Variants in VPS13B observed in about 807,000 individuals in gnomAD.
VPS13B encodes intermembrane lipid transfer protein VPS13B.
In VPS13B, 285 loss-of-function variants were observed where a neutral mutation model predicts 426.4. That is an observed-to-expected ratio of 0.67 (90% CI 0.61 to 0.74). The LOEUF (loss-of-function observed/expected upper bound fraction) is 0.74, where lower values mean the gene tolerates loss of function less well. VPS13B is among the 30% of genes least tolerant of loss of function. The pLI is 0.00. For synonymous variants in VPS13B, 1,676 were observed against 1,676.4 expected (o/e 1.00, Z 0.01); for missense variants, 4,537 against 4,782.6 (o/e 0.95, Z 1.51).
chr8:99,267,378 T>C (rs1313891206), intron 17 of VPS13B, among the ~76,000 whole-genome samples: 1 of 152,168 alleles, frequency 6.6e-6, no homozygotes, highest in Non-Finnish European at 1.5e-5. Context: ...TGGCAAAGCA[T>C]TCAAGAGTAG....
At chr8:99,469,740 C>A (rs559353359) in intron 24 of VPS13B, among the ~76,000 whole-genome samples, 1 of 152,168 alleles carries the variant, frequency 6.6e-6, no homozygotes, top group South Asian at 2.1e-4. Context: ...TCAGATATAA[C>A]CTTATTTGGT....
rs181395641 is a variant in VPS13B, at chr8:99,116,388, C to A, written c.937+514C>A. On this transcript the variant is annotated intron_variant, in intron 7 of 61. Coordinates refer to ENST00000357162, the MANE Select transcript of VPS13B (RefSeq NM_152564.5). The stretch of plus-strand genomic sequence containing the variant: ...TAACATTCTGATTTTCTCCTATATG[C>A]TAAAAATAACTTCTATATTTATAAT... 3.1e-4 allele frequency among the ~76,000 whole-genome samples: 47 copies of A among 152,014 alleles called. No homozygotes were observed. In the East Asian group the frequency reaches 8.1e-3, roughly 26 times the overall value.
At chr8:99,598,234 A>G (rs1166177236) in intron 33 of VPS13B, among the ~76,000 whole-genome samples, 1 of 152,076 alleles carries the variant, frequency 6.6e-6, no homozygotes, top group African/African-American at 2.4e-5. Context: ...GTGCTCCCAC[A>G]TCGATAATAG....
intron 33 of VPS13B, among the ~76,000 whole-genome samples, chr8:99,592,257 G>C (rs577966277): frequency 6.6e-6 from 1 of 151,882 alleles, no homozygotes; most frequent in African/African-American, 2.4e-5. Flanking sequence ...CGATGCATTC[G>C]AACATCCTCC....
Position 99,399,453 on chromosome 8 carries a change from C to T in VPS13B, c.3082+7749C>T, listed in dbSNP as rs1427198672. Among the ~76,000 whole-genome samples, 9 of 151,734 alleles carry T rather than the reference C, an allele frequency of 5.9e-5. 1 individual carries two copies. The highest frequency in any genetic ancestry group is 5.9e-4 in the Admixed American group (9 of 15,226). On this transcript the variant is annotated intron_variant, in intron 21 of 61. Coordinates refer to ENST00000357162, the MANE Select transcript of VPS13B (RefSeq NM_152564.5). ...GCTAGATGATTATTTGATATGTTACCCATATTGTAGATGATTGTAGCCGTA... is the reference window on the plus strand; with the variant it reads ...GCTAGATGATTATTTGATATGTTACTCATATTGTAGATGATTGTAGCCGTA...
At chr8:99,300,016 G>T (rs1820274198) in intron 19 of VPS13B, among the ~76,000 whole-genome samples, 1 of 152,106 alleles carries the variant, frequency 6.6e-6, no homozygotes, top group Non-Finnish European at 1.5e-5. Context: ...ATTGTCTAAT[G>T]GGAACATGTG....
At chr8:99,702,747 CT>C (rs1253330262) in intron 36 of VPS13B, among the ~76,000 whole-genome samples, 1 of 152,124 alleles carries the variant, frequency 6.6e-6, no homozygotes, top group Non-Finnish European at 1.5e-5. Context: ...AGAAACTACT[CT>C]AATCCCTAAC....
intron 3 of VPS13B, among the ~76,000 whole-genome samples, chr8:99,061,296 CTTT>C (rs36037937): frequency 8.9e-6 from 1 of 112,956 alleles, no homozygotes; most frequent in Non-Finnish European, 1.8e-5. Flanking sequence ...TGCTAATTTT[CTTT>C]TTTTTTTTTT....
chr8:99,138,624 A>G (rs1004855723), intron 12 of VPS13B, among the ~76,000 whole-genome samples: 6 of 152,252 alleles, frequency 3.9e-5, no homozygotes, highest in Non-Finnish European at 1.5e-5. Context: ...AGAAAGCTAA[A>G]TAAGAGGAAA....
chr8:99,375,478 T>A (rs1038957207), intron 19 of VPS13B, among the ~76,000 whole-genome samples: 1 of 152,188 alleles, frequency 6.6e-6, no homozygotes, highest in South Asian at 2.1e-4. Flanking sequence ...CATACGCACA[T>A]ACCATACATG....
At chr8:99,863,115 G>A (rs1009275180) in intron 58 of VPS13B, among the ~76,000 whole-genome samples, 3 of 152,124 alleles carry the variant, frequency 2.0e-5, no homozygotes, top group East Asian at 1.9e-4. Flanking sequence ...CTGAACCTGA[G>A]TTTCTCTTTT....
intron 8 of VPS13B, among the ~76,000 whole-genome samples, chr8:99,132,939 G>T (rs1011443971): frequency 2.0e-5 from 3 of 152,096 alleles, no homozygotes; most frequent in Admixed American, 6.5e-5. Flanking sequence ...GATTTAGCAT[G>T]ATTCTTAAGG....
chr8:99,397,742 A>G (rs1209930296), intron 21 of VPS13B, among the ~76,000 whole-genome samples: 1 of 152,222 alleles, frequency 6.6e-6, no homozygotes, highest in Non-Finnish European at 1.5e-5. Flanking sequence ...CAGTTAATCA[A>G]GTCTGCATTT....
chr8:99,359,831 C>T (rs1812398596), intron 19 of VPS13B, among the ~76,000 whole-genome samples: 1 of 152,184 alleles, frequency 6.6e-6, no homozygotes, highest in Non-Finnish European at 1.5e-5. Flanking sequence ...AAAACAGGAT[C>T]TCTCTCTGTT....
At chr8:99,228,514 C>T (rs1050872744) in intron 17 of VPS13B, among the ~76,000 whole-genome samples, 4 of 152,114 alleles carry the variant, frequency 2.6e-5, no homozygotes, top group African/African-American at 4.8e-5. Flanking sequence ...ATTTTATTCA[C>T]TAAGAAAAAT....
chr8:99,688,466 G>C (rs1831512292), intron 35 of VPS13B, among the ~76,000 whole-genome samples: 1 of 152,034 alleles, frequency 6.6e-6, no homozygotes, highest in Admixed American at 6.5e-5. Flanking sequence ...CTTGGGACCA[G>C]ATAAAGAGGG....
rs1824677506 is a variant in VPS13B at position 99,557,911 on chromosome 8, TATTA to T, written c.4949+1263_4949+1266del. 5.3e-5 allele frequency among the ~76,000 whole-genome samples: 8 copies of T among 152,292 alleles called. No individual in the cohort carries two copies. The South Asian group carries it at 1.7e-3, about 32-fold the overall frequency. Reference sequence around the variant, plus strand: ...AGAGGTCTTTATGATTTTAAGAAAGTATTAATTATTTTTCTTCTGCTTTTCTCTT... The same window carrying T: ...AGAGGTCTTTATGATTTTAAGAAAGTATTATTTTTCTTCTGCTTTTCTCTT... On this transcript the variant is annotated intron_variant, in intron 31 of 61. Coordinates refer to ENST00000357162, the MANE Select transcript of VPS13B (RefSeq NM_152564.5).
chr8:99,626,555 C>T (rs1286569897), intron 33 of VPS13B, among the ~76,000 whole-genome samples: 1 of 152,036 alleles, frequency 6.6e-6, no homozygotes, highest in Non-Finnish European at 1.5e-5. Flanking sequence ...TCTAAATATA[C>T]AAAAAGCACA....
At chr8:99,355,133 T>G (rs914119043) in intron 19 of VPS13B, among the ~76,000 whole-genome samples, 1 of 152,190 alleles carries the variant, frequency 6.6e-6, no homozygotes, top group African/African-American at 2.4e-5. Flanking sequence ...GGTTAAGAAC[T>G]GCTGTACCAA....
Sources: allele counts gnomAD v4.1 joint callset (sites outside exome capture counted in the v4.1 genomes callset), GRCh38; gene constraint gnomAD v4.1.1; transcripts MANE v1.5; gene names NCBI Gene and HGNC (gene_info 2026-07-23, HGNC 2026-07-21).